The following CATSPERG variants were observed in gnomAD, a reference collection of about 807,000 sequenced individuals.
The protein encoded by CATSPERG is cation channel sperm-associated auxiliary subunit gamma.
CATSPERG carries 115 observed loss-of-function variants against 145.0 expected under a neutral mutation model. The ratio of observed to expected loss-of-function variants is 0.79; its 90% CI spans 0.68 to 0.93. The LOEUF is 0.93. Among genes scored for constraint, CATSPERG ranks in the 40% least tolerant of loss-of-function variants. CATSPERG has a pLI of 0.00. For missense variants in CATSPERG, 1,296 were observed against 1,490.1 expected (o/e 0.87, Z 2.14); for synonymous variants, 588 against 589.0 (o/e 1.00, Z 0.02).
At chr19:38,337,681 G>A (rs1020316142) in intron 3 of CATSPERG, 35 bp downstream of exon 3, 2 of 1,529,560 alleles carry the variant, frequency 1.3e-6, no homozygotes, top group African/African-American at 2.8e-5. Flanking sequence ...CTCATTCTAT[G>A]AGCCTTGGTT....
At chr19:38,343,498 C>T (rs1038526717) in intron 3 of CATSPERG, 82 bp from the exon 4 acceptor site, 8 of 1,280,028 alleles carry the variant, frequency 6.2e-6, no homozygotes, top group Non-Finnish European at 7.4e-6. Context: ...GCCCAGGAGA[C>T]AGACTGTTAG....
intron 6 of CATSPERG, among the ~76,000 whole-genome samples, chr19:38,344,864 C>T (rs1261961858): frequency 6.3e-5 from 6 of 95,510 alleles, no homozygotes; most frequent in Non-Finnish European, 1.3e-4. Flanking sequence ...CAGACACACA[C>T]ACACACACAC....
At position 38,359,516 on chromosome 19, in the gene CATSPERG, C is replaced by T. The variant is rs149226904; in HGVS notation, c.1543C>T (p.Leu515=). The T allele has an allele frequency of 8.9e-4, 1,444 of 1,613,924 alleles. 9 individuals are homozygous for T. The African/African-American group carries it at 0.015, about 17-fold the overall frequency. The stretch of plus-strand genomic sequence containing the variant: ...CTACCTGGCAGACTTCCCCAAGGAA[C>T]TGTCCATCAAATACATGGCCAGATC... ...FIYLADFPKE[L]SIKYMARSFR... is the part of the protein sequence containing the mutation. Residue 515 remains leucine (L), a synonymous_variant, in exon 14 of 29, where the codon CTG becomes TTG. Transcript: ENST00000409235.
At chr19:38,356,604 C>G in intron 10 of CATSPERG, 61 bp downstream of exon 10, 2 of 1,596,000 alleles carry the variant, frequency 1.3e-6, no homozygotes, top group Non-Finnish European at 1.7e-6. Context: ...TGCAGAAGAG[C>G]AGGGGAGGGT....
chr19:38,337,207 C>T lies in CATSPERG; in HGVS notation c.-14-14C>T. ...GCTGTCCGGCGCGTGGGTGTTGACT[C>T]CTGCGTTCTCCAGGTTCTAGCCACG... is the stretch of plus-strand genomic sequence containing the variant. On this transcript the variant is annotated splice_polypyrimidine_tract_variant and intron_variant, in intron 1 of 28. Coordinates refer to ENST00000409235, the MANE Select transcript of CATSPERG (RefSeq NM_021185.5). 1 of 1,548,334 alleles carries T rather than the reference C, an allele frequency of 6.5e-7. No individual in the cohort carries two copies. Among genetic ancestry groups the T allele is most frequent in the Non-Finnish European group, 8.7e-7 (1 of 1,145,438 alleles).
At chr19:38,350,963 T>C (rs1223247791) in intron 7 of CATSPERG, among the ~76,000 whole-genome samples, 2 of 152,162 alleles carry the variant, frequency 1.3e-5, no homozygotes, top group Admixed American at 1.3e-4. Flanking sequence ...CACTCCAACC[T>C]GGGTGACAGA....
chr19:38,358,477 C>T lies in CATSPERG; in HGVS notation c.1412C>T (p.Thr471Ile). The change falls in exon 13 of 29, where the codon ACC (threonine) becomes ATC (isoleucine). Residue 471 changes from threonine to isoleucine, a missense_variant. Thr to Ile is a moderately conservative substitution (Grantham distance 89). Transcript: ENST00000409235. ...FLMILGTESY[T>I]STAMAPKGIF... Reference sequence around the variant, plus strand: ...ATGATCCTAGGGACAGAGTCCTACACCAGCACTGCAATGGCCCCCAAGGGC... The same window carrying T: ...ATGATCCTAGGGACAGAGTCCTACATCAGCACTGCAATGGCCCCCAAGGGC... The T allele has an allele frequency of 6.2e-7, 1 of 1,614,204 alleles. No homozygotes were observed. Among genetic ancestry groups the T allele is most frequent in the African/African-American group, 1.3e-5 (1 of 75,056 alleles).
chr19:38,361,992 G>GGGGT, intron 17 of CATSPERG, 131 bp downstream of exon 17: 1 of 347,380 alleles, frequency 2.9e-6, no homozygotes. Flanking sequence ...GTGGGCGGGG[G>GGGGT]ACCTGGGGGC....
Position 38,337,625 on chromosome 19 carries a change from C to A in CATSPERG, c.303C>A (p.Ile101=). The change falls in exon 3 of 29, where the codon ATC becomes ATA. Residue 101 remains isoleucine, a synonymous_variant. Coordinates refer to ENST00000409235, the MANE Select transcript of CATSPERG (RefSeq NM_021185.5). ...KYLGFPYYLK[I]NYSCEEKPSE... is the part of the protein sequence containing the mutation. ...TGGGCTTCCCTTACTACCTGAAGAT[C>A]AACTACTCCTGCGAGGAAAAGGTGA... The A allele has an allele frequency of 5.2e-6, 8 of 1,551,722 alleles. No individual in the cohort carries two copies. Among genetic ancestry groups the A allele is most frequent in the Non-Finnish European group, 7.0e-6 (8 of 1,146,996 alleles).
At chr19:38,367,956 C>T in intron 25 of CATSPERG, 92 bp from the exon 26 acceptor site, 1 of 1,257,016 alleles carries the variant, frequency 8.0e-7, no homozygotes, top group Non-Finnish European at 1.2e-6. Context: ...CCCCTGCACC[C>T]ACCTGTGGCC....
At chr19:38,355,217 C>T (rs866487868) in intron 9 of CATSPERG, among the ~76,000 whole-genome samples, 14 of 151,652 alleles carry the variant, frequency 9.2e-5, no homozygotes, top group South Asian at 6.3e-4. Context: ...TGGTGGCAGG[C>T]GCCTGTAATC....
rs369484968 is a variant in CATSPERG at position 38,341,451 on chromosome 19, G to C, written c.325-2129G>C. On this transcript the variant is annotated intron_variant, in intron 3 of 28. Transcript: ENST00000409235. Reference sequence around the variant, plus strand: ...GGGAACTCAGGCAGGGCCAGGGACAGGTGTAGTTGACAGGATTGAAAAGAG... The same window carrying C: ...GGGAACTCAGGCAGGGCCAGGGACACGTGTAGTTGACAGGATTGAAAAGAG... 5.3e-5 allele frequency among the ~76,000 whole-genome samples: 8 copies of C among 152,306 alleles called. No individual in the cohort carries two copies. In the East Asian group the frequency reaches 1.2e-3, roughly 22 times the overall value.
chr19:38,361,769 C>T lies in CATSPERG; in HGVS notation c.2002C>T (p.Leu668=), dbSNP rs762702134. 3.7e-6 allele frequency: 6 copies of T among 1,613,100 alleles called. No homozygotes were observed. In the African/African-American group the frequency reaches 8.0e-5, roughly 22 times the overall value. The change falls in exon 17 of 29, where the codon CTG becomes TTG. Residue 668 remains leucine, a synonymous_variant. Coordinates refer to ENST00000409235, the MANE Select transcript of CATSPERG (RefSeq NM_021185.5). ...ERYRARPPRV[L]ERSGFHNENS... is the part of the protein sequence containing the mutation. ...CTACCGGGCGCGGCCGCCGCGCGTCCTGGAGCGCTCGGGCTTCCACAACGA... is the reference window on the plus strand; with the variant it reads ...CTACCGGGCGCGGCCGCCGCGCGTCTTGGAGCGCTCGGGCTTCCACAACGA...
chr19:38,359,718 CAT>C, intron 14 of CATSPERG, 137 bp downstream of exon 14: 2 of 1,401,122 alleles, frequency 1.4e-6, no homozygotes, highest in Non-Finnish European at 1.9e-6. Context: ...AGTGAAGCTC[CAT>C]TTATAACTGA....
chr19:38,338,670 G>A (rs1969885622), intron 3 of CATSPERG, among the ~76,000 whole-genome samples: 2 of 152,020 alleles, frequency 1.3e-5, no homozygotes, highest in Non-Finnish European at 2.9e-5. Context: ...CTAGTTGTGC[G>A]CCACCACACC....
chr19:38,352,589 CTTG>C, intron 8 of CATSPERG, 157 bp downstream of exon 8: 2 of 588,890 alleles, frequency 3.4e-6, no homozygotes, highest in Non-Finnish European at 5.9e-6. Context: ...TGGGCCTTGC[CTTG>C]CCCTTTTTTT....
chr19:38,367,499 A>C lies in CATSPERG; in HGVS notation c.2771-10A>C. 1 of 1,613,436 alleles carries C rather than the reference A, an allele frequency of 6.2e-7. No homozygotes were observed. The highest frequency in any genetic ancestry group is 8.5e-7 in the Non-Finnish European group (1 of 1,179,760). The stretch of plus-strand genomic sequence containing the variant: ...TCTTCTTCTGGTCTCAATCCCCTCC[A>C]ACCCCATAGTTTTCTACCCCTTCTT... On this transcript the variant is annotated splice_polypyrimidine_tract_variant and intron_variant, in intron 23 of 28. Coordinates refer to ENST00000409235, the MANE Select transcript of CATSPERG (RefSeq NM_021185.5).
chr19:38,360,750 A>T lies in CATSPERG; in HGVS notation c.1787A>T (p.Asn596Ile). 6.2e-7 allele frequency: 1 copy of T among 1,614,054 alleles called. No individual in the cohort carries two copies. Among genetic ancestry groups the T allele is most frequent in the Non-Finnish European group, 8.5e-7 (1 of 1,179,968 alleles). ...CTGCAGCTGGTGTACCTTATGAACA[A>T]CCAGAAGGGCCAGCTGGTCAAGAGG... is the stretch of plus-strand genomic sequence containing the variant. ...KLYQLVYLMN[N>I]QKGQLVKRLV... Residue 596 changes from asparagine to isoleucine, a missense_variant, in exon 16 of 29, where the codon AAC becomes ATC. Coordinates refer to ENST00000409235, the MANE Select transcript of CATSPERG (RefSeq NM_021185.5).
chr19:38,343,164 A>ATTT, intron 3 of CATSPERG, among the ~76,000 whole-genome samples: 1 of 147,830 alleles, frequency 6.8e-6, no homozygotes, highest in African/African-American at 2.5e-5. Flanking sequence ...GGGCAATCTA[A>ATTT]TTTTTTTTTT....
Sources: allele counts gnomAD v4.1 joint callset (sites outside exome capture counted in the v4.1 genomes callset), GRCh38; gene constraint gnomAD v4.1.1; transcripts MANE v1.5; gene names NCBI Gene and HGNC (gene_info 2026-07-23, HGNC 2026-07-21).